OSBPL10: variants seen among roughly 807,000 people sequenced by gnomAD.
The protein encoded by OSBPL10 is oxysterol-binding protein-related protein 10.
A neutral mutation model predicts 81.7 loss-of-function variants in OSBPL10; 49 were observed. That is an observed-to-expected ratio of 0.60 (90% CI 0.48 to 0.76). OSBPL10 has a LOEUF of 0.76. Among genes scored for constraint, OSBPL10 ranks in the 30% least tolerant of loss-of-function variants. The pLI, the probability that OSBPL10 is intolerant of heterozygous loss-of-function variation, is 0.00. For synonymous variants in OSBPL10, 419 were observed against 383.6 expected (o/e 1.09, Z -1.08); for missense variants, 923 against 987.8 (o/e 0.93, Z 0.88).
In OSBPL10 at chr3:31,791,958, A is replaced by C. The variant is rs1044173820; in HGVS notation, c.729+38082T>G. Among the ~76,000 whole-genome samples, 5 of 152,152 alleles carry C rather than the reference A, an allele frequency of 3.3e-5. No individual in the cohort carries two copies. The South Asian group carries it at 6.2e-4, about 19-fold the overall frequency. On this transcript the variant is annotated intron_variant, in intron 4 of 11. Transcript: ENST00000396556. The stretch of plus-strand genomic sequence containing the variant: ...GCTGTGAGGGATTTTGAAACGAGCA[A>C]GACAAAGCTGGATGCGGTGGTTCAC...
chr3:31,845,958 A>G (rs539527245), intron 3 of OSBPL10, among the ~76,000 whole-genome samples: 1 of 152,378 alleles, frequency 6.6e-6, no homozygotes, highest in Admixed American at 6.5e-5. Flanking sequence ...TGTGCTTTGC[A>G]AAAGGCAAAT....
At chr3:32,034,013 G>A (rs1044110738) in intron 2 of OSBPL10, among the ~76,000 whole-genome samples, 3 of 152,132 alleles carry the variant, frequency 2.0e-5, no homozygotes, top group Non-Finnish European at 2.9e-5. Context: ...CAATCATGGC[G>A]GCTGGCAAAG....
intron 1 of OSBPL10, among the ~76,000 whole-genome samples, chr3:31,980,225 A>G (rs1698795201): frequency 6.6e-6 from 1 of 151,940 alleles, no homozygotes; most frequent in Admixed American, 6.6e-5. Context: ...GCTGGTCTCG[A>G]ACTCCTGACT....
Position 31,747,773 on chromosome 3 carries a change from G to C in OSBPL10, c.940+137C>G, listed in dbSNP as rs953071977. 1.9e-5 allele frequency: 16 copies of C among 855,544 alleles called. No homozygotes were observed. In the African/African-American group the frequency reaches 2.7e-4, roughly 14 times the overall value. 53.0% of individuals were successfully genotyped at this position (855,544 alleles called of 1,614,324 possible). On this transcript the variant is annotated intron_variant, in intron 5 of 11. Transcript: ENST00000396556. ...TATATCCCAAACAGTAGAGACGAAG[G>C]GCAGTAGAAATACTTGGATATAAGG...
At chr3:31,841,725 C>G (rs921067302) in intron 3 of OSBPL10, among the ~76,000 whole-genome samples, 1 of 152,230 alleles carries the variant, frequency 6.6e-6, no homozygotes, top group African/African-American at 2.4e-5. Flanking sequence ...TGCCTGCACA[C>G]TCTGCCCCCA....
Position 31,845,518 on chromosome 3 carries a change from C to T in OSBPL10, c.538-15287G>A, listed in dbSNP as rs1477661502. 2.0e-5 allele frequency among the ~76,000 whole-genome samples: 3 copies of T among 152,210 alleles called. 1 individual carries two copies. Among genetic ancestry groups the T allele is most frequent in the South Asian group, 4.2e-4 (2 of 4,816 alleles). On this transcript the variant is annotated intron_variant, in intron 3 of 11. Transcript: ENST00000396556. ...CATTTTATTATGTGCAATTATAGTGCTTTTATAGTAAGAAAAAAGTTAAAC... is the reference window on the plus strand; with the variant it reads ...CATTTTATTATGTGCAATTATAGTGTTTTTATAGTAAGAAAAAAGTTAAAC...
At chr3:31,809,528 A>T (rs111419445) in intron 4 of OSBPL10, among the ~76,000 whole-genome samples, 293 of 152,338 alleles carry the variant, frequency 1.9e-3, no homozygotes, top group African/African-American at 6.4e-3. Flanking sequence ...CTCCGAATAA[A>T]AGTGCCAGTA....
At chr3:31,794,033 G>A (rs1488346090) in intron 4 of OSBPL10, among the ~76,000 whole-genome samples, 1 of 152,218 alleles carries the variant, frequency 6.6e-6, no homozygotes, top group Non-Finnish European at 1.5e-5. Context: ...CGCTGGGTTG[G>A]CACAGTGGTG....
At chr3:32,044,536 G>A (rs1217585052) in intron 2 of OSBPL10, among the ~76,000 whole-genome samples, 3 of 151,348 alleles carry the variant, frequency 2.0e-5, no homozygotes, top group Admixed American at 6.6e-5. Flanking sequence ...GAGCTCGGGA[G>A]TTAGCGACCA....
chr3:31,723,731 C>T (rs1696727970), intron 6 of OSBPL10, among the ~76,000 whole-genome samples: 1 of 152,162 alleles, frequency 6.6e-6, no homozygotes, highest in Non-Finnish European at 1.5e-5. Context: ...CATCGATTAA[C>T]TCAGGCAAAG....
intron 4 of OSBPL10, among the ~76,000 whole-genome samples, chr3:31,807,240 C>T (rs1431929249): frequency 6.6e-6 from 1 of 151,972 alleles, no homozygotes; most frequent in Non-Finnish European, 1.5e-5. Flanking sequence ...ATTAGCCAGG[C>T]GTCGTGTTGC....
chr3:31,883,590 G>C (rs1695652896), intron 1 of OSBPL10, among the ~76,000 whole-genome samples: 1 of 143,466 alleles, frequency 7.0e-6, no homozygotes, highest in Admixed American at 7.2e-5. Flanking sequence ...GGACTGCAAT[G>C]GTGTGATCTT....
chr3:32,041,522 G>A (rs1404087819), intron 2 of OSBPL10, among the ~76,000 whole-genome samples: 7 of 152,094 alleles, frequency 4.6e-5, no homozygotes, highest in South Asian at 2.1e-4. Flanking sequence ...ATGGTCACAC[G>A]CCTCCTATCA....
intron 7 of OSBPL10, chr3:31,700,528 G>A (rs1470844932): frequency 6.6e-6 from 1 of 151,820 alleles, no homozygotes; most frequent in Admixed American, 6.6e-5. Context: ...TCGTTACCCA[G>A]TACACATGTA....
At chr3:31,909,409 T>G (rs558593985) in intron 1 of OSBPL10, among the ~76,000 whole-genome samples, 23 of 152,190 alleles carry the variant, frequency 1.5e-4, no homozygotes, top group South Asian at 6.2e-4. Context: ...AGATTAGTTT[T>G]GGGAAAGGGA....
At chr3:31,783,146 T>TATATATATATATATATATACACACAC (rs1485968747) in intron 4 of OSBPL10, among the ~76,000 whole-genome samples, 2 of 113,020 alleles carry the variant, frequency 1.8e-5, no homozygotes, top group Admixed American at 9.0e-5. Flanking sequence ...TATATATATA[T>TATATATATATATATATATACACACAC]ACACACACAC....
intron 3 of OSBPL10, among the ~76,000 whole-genome samples, chr3:31,844,072 T>A (rs1007072767): frequency 6.6e-6 from 1 of 152,210 alleles, no homozygotes. Flanking sequence ...ATGGCTGAGA[T>A]TCTAACATTT....
At chr3:31,779,074 C>T (rs1270611072) in intron 4 of OSBPL10, among the ~76,000 whole-genome samples, 1 of 151,986 alleles carries the variant, frequency 6.6e-6, no homozygotes, top group Non-Finnish European at 1.5e-5. Flanking sequence ...GGAGTTCTAC[C>T]TCTTAAAACA....
At chr3:31,730,740 T>C (rs1208153440) in intron 6 of OSBPL10, among the ~76,000 whole-genome samples, 1 of 152,250 alleles carries the variant, frequency 6.6e-6, no homozygotes, top group African/African-American at 2.4e-5. Flanking sequence ...CAAAATGCGT[T>C]ACTGTTTCAG....
Sources: allele counts gnomAD v4.1 joint callset (sites outside exome capture counted in the v4.1 genomes callset), GRCh38; gene constraint gnomAD v4.1.1; transcripts MANE v1.5; gene names NCBI Gene and HGNC (gene_info 2026-07-23, HGNC 2026-07-21).